GFOD1: variants seen among roughly 807,000 people sequenced by gnomAD.
The protein encoded by GFOD1 is Gfo/Idh/MocA-like oxidoreductase domain containing 1, also known as glucose-fructose oxidoreductase domain-containing protein 1.
Under a neutral mutation model 25.4 loss-of-function variants are expected in GFOD1, and 9 were observed. The observed-to-expected ratio is 0.35, with a 90% confidence interval of 0.21 to 0.62. The LOEUF (loss-of-function observed/expected upper bound fraction) is 0.62. Among genes scored for constraint, GFOD1 ranks in the 20% least tolerant of loss-of-function variants. The pLI is 0.72. For missense variants in GFOD1, 403 were observed against 556.9 expected (o/e 0.72, Z 2.78); for synonymous variants, 253 against 245.6 (o/e 1.03, Z -0.28).
At chr6:13,401,920 C>G in intron 1 of GFOD1, among the ~76,000 whole-genome samples, 1 of 152,306 alleles carries the variant, frequency 6.6e-6, no homozygotes, top group Middle Eastern at 3.4e-3. Flanking sequence ...TACTTTAGCA[C>G]TTCATGATTT....
rs1757722350 is a variant in GFOD1 at position 13,430,124 on chromosome 6, T to C, written c.253+56514A>G. ...TCACAGCTTCTGTGTAGCTGCACTC[T>C]GTAGGAATGCTTGCTTTTAAAATCC... On this transcript the variant is annotated intron_variant, in intron 1 of 1. Transcript: ENST00000379287. This position sits in a 1 kb window ranked among gnomAD's most constrained non-coding sequence, Gnocchi z 4.1. 6.6e-6 allele frequency among the ~76,000 whole-genome samples: 1 copy of C among 152,174 alleles called. No individual in the cohort carries two copies. Among genetic ancestry groups the C allele is most frequent in the Admixed American group, 6.5e-5 (1 of 15,284 alleles).
At chr6:13,383,376 C>T (rs1785403479) in intron 1 of GFOD1, among the ~76,000 whole-genome samples, 1 of 152,202 alleles carries the variant, frequency 6.6e-6, no homozygotes, top group Non-Finnish European at 1.5e-5. Flanking sequence ...TGTTACTTGA[C>T]ATCTATTGGA....
chr6:13,380,171 G>A (rs1360210058), intron 1 of GFOD1, among the ~76,000 whole-genome samples: 1 of 152,214 alleles, frequency 6.6e-6, no homozygotes, highest in Non-Finnish European at 1.5e-5. Context: ...CAGGGGATGG[G>A]AAAGATACAG....
chr6:13,364,958 G>T lies in GFOD1; in HGVS notation c.958C>A (p.Gln320Lys). Residue 320 changes from glutamine (Q) to lysine (K), a missense_variant, in exon 2 of 2, where the codon CAG (glutamine) becomes AAG (lysine). Transcript: ENST00000379287. This position sits in a 1 kb window ranked among gnomAD's most constrained non-coding sequence, Gnocchi z 4.1. The part of the protein sequence containing the change: ...MQAVRQAFQD[Q>K]DDRRTWDGRP... ...CCATCCCACGTGCGCCGGTCGTCCT[G>T]GTCCTGGAAGGCCTGGCGCACCGCC... is the stretch of plus-strand genomic sequence containing the variant. The T allele has an allele frequency of 6.2e-7, 1 of 1,610,410 alleles. No individual in the cohort carries two copies. Among genetic ancestry groups the T allele is most frequent in the Non-Finnish European group, 8.5e-7 (1 of 1,179,764 alleles).
chr6:13,411,481 G>A (rs192020274), intron 1 of GFOD1, among the ~76,000 whole-genome samples: 24 of 151,880 alleles, frequency 1.6e-4, no homozygotes, highest in African/African-American at 2.9e-4. Flanking sequence ...TAGTAGAGTC[G>A]GGGTTTCACC....
Position 13,365,270 on chromosome 6 carries a change from T to A in GFOD1, c.646A>T (p.Thr216Ser), listed in dbSNP as rs753113596. ...TGGAAGGTGCAGAAGTCATCGCTGG[T>A]GATCTGTCGGATGCCCTTGATGTGG... ...TDHIKGIRQITSDDFCTFQMV... is the reference protein window; with the variant it reads ...TDHIKGIRQISSDDFCTFQMV... Residue 216 changes from threonine (T) to serine (S), a missense_variant, in exon 2 of 2, where the codon ACC becomes TCC. Coordinates refer to ENST00000379287, the MANE Select transcript of GFOD1 (RefSeq NM_018988.4). This position sits in a 1 kb window ranked among gnomAD's most constrained non-coding sequence, Gnocchi z 9.2. The A allele has an allele frequency of 4.3e-6, 7 of 1,614,092 alleles. No homozygotes were observed. In the Admixed American group the frequency reaches 1.0e-4, roughly 23 times the overall value.
intron 1 of GFOD1, among the ~76,000 whole-genome samples, chr6:13,409,650 G>A (rs926362964): frequency 6.6e-5 from 10 of 152,208 alleles, no homozygotes; most frequent in African/African-American, 2.2e-4. Flanking sequence ...AGCCGGGCAC[G>A]GTGGCTCACG....
chr6:13,456,669 T>A (rs1014493673), intron 1 of GFOD1, among the ~76,000 whole-genome samples: 4 of 152,290 alleles, frequency 2.6e-5, no homozygotes, highest in African/African-American at 9.6e-5. Flanking sequence ...TGCAGGTGAT[T>A]AAACCTGAAC....
At chr6:13,391,511 C>CAAAAAAAAAAAAAAAAAAAAAAAAAAAAA (rs57340590) in intron 1 of GFOD1, among the ~76,000 whole-genome samples, 3 of 108,680 alleles carry the variant, frequency 2.8e-5, no homozygotes, top group Non-Finnish European at 5.4e-5. Context: ...AACAAACAAA[C>CAAAAAAAAAAAAAAAAAAAAAAAAAAAAA]AAAAAAAAAA....
Position 13,364,659 on chromosome 6 carries a change from C to T in GFOD1, c.*84G>A. The T allele has an allele frequency of 8.6e-7, 1 of 1,160,130 alleles. No individual in the cohort carries two copies. The highest frequency in any genetic ancestry group is 1.2e-6 in the Non-Finnish European group (1 of 814,064). The allele number at this position is 1,160,130 out of a possible 1,614,324, so 71.9% of individuals were successfully genotyped here. A position where few individuals can be genotyped will look rare whatever the true frequency, so the allele number is the denominator to read the frequency against. ...CCACCTCCCTGATCCCCACATTCCC[C>T]ATGGTCACCCTCTCCCCTCGGCCCT... On this transcript the variant is annotated 3_prime_UTR_variant, in exon 2 of 2. Transcript: ENST00000379287. This position sits in a 1 kb window ranked among gnomAD's most constrained non-coding sequence, Gnocchi z 4.1.
At chr6:13,424,329 C>T (rs1786313463) in intron 1 of GFOD1, among the ~76,000 whole-genome samples, 1 of 152,074 alleles carries the variant, frequency 6.6e-6, no homozygotes, top group Middle Eastern at 3.2e-3. Context: ...AACAGATTTG[C>T]CAAACATTAG....
intron 1 of GFOD1, chr6:13,470,386 G>A (rs1003499451): frequency 4.5e-5 from 70 of 1,549,662 alleles, no homozygotes; most frequent in Non-Finnish European, 5.7e-5. Flanking sequence ...GGCCTCCAGG[G>A]AAAGCCAGGC....
chr6:13,432,298 C>T (rs1355858388), intron 1 of GFOD1, among the ~76,000 whole-genome samples: 2 of 151,270 alleles, frequency 1.3e-5, no homozygotes, highest in Admixed American at 1.3e-4. Context: ...ACTGCAGCCT[C>T]GACCTCTTGG....
At chr6:13,482,703 G>A (rs1456076627) in intron 1 of GFOD1, among the ~76,000 whole-genome samples, 6 of 152,060 alleles carry the variant, frequency 3.9e-5, no homozygotes, top group Non-Finnish European at 8.8e-5. Context: ...AGCCAAGATC[G>A]CACCATTGCA....
At chr6:13,404,687 G>C (rs1261763363) in intron 1 of GFOD1, among the ~76,000 whole-genome samples, 8 of 152,204 alleles carry the variant, frequency 5.3e-5, no homozygotes, top group Non-Finnish European at 1.2e-4. Flanking sequence ...ACACAGTGGA[G>C]GCTGCATGCA....
At chr6:13,380,167 A>T (rs943000659) in intron 1 of GFOD1, among the ~76,000 whole-genome samples, 4 of 152,228 alleles carry the variant, frequency 2.6e-5, no homozygotes, top group Non-Finnish European at 4.4e-5. Context: ...AGCACAGGGG[A>T]TGGGAAAGAT....
intron 1 of GFOD1, among the ~76,000 whole-genome samples, chr6:13,428,511 ATGCG>A (rs1757684934): frequency 2.1e-4 from 5 of 24,304 alleles, no homozygotes; most frequent in Non-Finnish European, 8.9e-4. Flanking sequence ...CCCCAGTGCG[ATGCG>A]ATGCGCTGGC....
intron 1 of GFOD1, among the ~76,000 whole-genome samples, chr6:13,380,021 C>T (rs970629572): frequency 2.6e-5 from 4 of 152,232 alleles, no homozygotes; most frequent in East Asian, 1.9e-4. Context: ...GACAGATGGG[C>T]ACTGTCCTGA....
chr6:13,470,543 CA>C (rs1250014472), intron 1 of GFOD1: 17 of 1,546,742 alleles, frequency 1.1e-5, no homozygotes, highest in African/African-American at 1.4e-5. Flanking sequence ...CTGGAGGGAG[CA>C]GAAGCTCAGC....
Sources: allele counts gnomAD v4.1 joint callset (sites outside exome capture counted in the v4.1 genomes callset), GRCh38; gene constraint gnomAD v4.1.1; non-coding constraint Gnocchi (gnomAD v3.1); transcripts MANE v1.5; gene names NCBI Gene and HGNC (gene_info 2026-07-23, HGNC 2026-07-21).